The following WSCD1 variants were observed in gnomAD, a reference collection of about 807,000 sequenced individuals.
The protein encoded by WSCD1 is sialate:O-sulfotransferase 1.
In WSCD1, 41 loss-of-function variants were observed where a neutral mutation model predicts 60.4. The observed-to-expected ratio is 0.68, with a 90% CI of 0.53 to 0.88. WSCD1 has a LOEUF of 0.88. WSCD1 is among the 40% of genes least tolerant of loss of function. WSCD1 has a pLI of 0.00. For synonymous variants in WSCD1, 361 were observed against 332.5 expected, an observed-to-expected ratio of 1.09 and a Z score of -0.93; for missense variants, 784 against 796.2, an observed-to-expected ratio of 0.98 and a Z score of 0.18.
chr17:6,096,261 T>C (rs1597361374), intron 5 of WSCD1, among the ~76,000 whole-genome samples: 1 of 152,186 alleles, frequency 6.6e-6, no homozygotes, highest in East Asian at 1.9e-4. Flanking sequence ...GGGGTCAGGG[T>C]TTGAACTCAG....
intron 7 of WSCD1, among the ~76,000 whole-genome samples, chr17:6,117,518 T>A (rs1188619562): frequency 6.6e-6 from 1 of 152,240 alleles, no homozygotes; most frequent in East Asian, 1.9e-4. Flanking sequence ...GAGAGAGCCC[T>A]GGCGCTGTTT....
In WSCD1 at chr17:6,121,411, C is replaced by T. The variant is rs1273825535; in HGVS notation, c.*750C>T. 1 of 152,564 alleles carries T rather than the reference C, an allele frequency of 6.6e-6. No homozygotes were observed. Among genetic ancestry groups the T allele is most frequent in the Non-Finnish European group, 1.5e-5 (1 of 68,348 alleles). The allele number at this position is 152,564 out of a possible 1,614,324, so 9.5% of individuals were successfully genotyped here. A position where few individuals can be genotyped will look rare whatever the true frequency, so the allele number is the denominator to read the frequency against. ...CAGACACTGACCTCAAGACCAGCCA[C>T]ACCAAGTCTGTGCACTGCCCACCAC... On this transcript the variant is annotated 3_prime_UTR_variant, in exon 9 of 9. Coordinates refer to ENST00000317744, the MANE Select transcript of WSCD1 (RefSeq NM_015253.2).
At position 6,075,885 on chromosome 17, in the gene WSCD1, C is replaced by G. The variant is rs557471841; in HGVS notation, c.-288-4486C>G. On this transcript the variant is annotated intron_variant, in intron 1 of 8. Transcript: ENST00000317744. This position sits in a 1 kb window ranked among gnomAD's most constrained non-coding sequence, Gnocchi z 4.1. ...TCTCCAGACTTTCAGAGGGGAGGGG[C>G]CCCAGGCTGCCTCCCAGTCCCAGTG... Among the ~76,000 whole-genome samples the G allele has an allele frequency of 3.3e-5, 5 of 152,206 alleles. No homozygotes were observed. In the East Asian group the frequency reaches 9.7e-4, roughly 29 times the overall value.
intron 1 of WSCD1, among the ~76,000 whole-genome samples, chr17:6,079,210 C>T (rs1000628662): frequency 3.9e-5 from 6 of 152,220 alleles, no homozygotes; most frequent in African/African-American, 9.6e-5. Context: ...CTCTCACACC[C>T]GCTGTCTGTC....
chr17:6,091,391 G>A (rs1338973785), intron 4 of WSCD1, among the ~76,000 whole-genome samples: 1 of 152,188 alleles, frequency 6.6e-6, no homozygotes, highest in Admixed American at 6.5e-5. Context: ...TTAGAGATAG[G>A]CTGTGTGGCC....
Position 6,110,019 on chromosome 17 carries a change from A to G in WSCD1, c.1009+253A>G, listed in dbSNP as rs187852140. ...TATCTAAGTCTCTCTGGAGATGACA[A>G]TGGTAAGAGGATGAACAGAGAGGGG... is the stretch of plus-strand genomic sequence containing the variant. On this transcript the variant is annotated intron_variant, in intron 6 of 8. Coordinates refer to ENST00000317744, the MANE Select transcript of WSCD1 (RefSeq NM_015253.2). This position sits in a 1 kb window ranked among gnomAD's most constrained non-coding sequence, Gnocchi z 4.8. Among the ~76,000 whole-genome samples the G allele has an allele frequency of 4.5e-4, 68 of 152,282 alleles. No homozygotes were observed. Among genetic ancestry groups the G allele is most frequent in the Non-Finnish European group, 7.6e-4 (52 of 68,018 alleles).
At chr17:6,114,264 A>G (rs1911577589) in intron 7 of WSCD1, among the ~76,000 whole-genome samples, 1 of 152,140 alleles carries the variant, frequency 6.6e-6, no homozygotes, top group African/African-American at 2.4e-5. Flanking sequence ...TGAATACCAC[A>G]TGCTCTCATT....
chr17:6,117,829 G>A (rs1375263493), intron 7 of WSCD1, among the ~76,000 whole-genome samples, 159 bp from the exon 8 acceptor site: 3 of 152,198 alleles, frequency 2.0e-5, no homozygotes, highest in South Asian at 4.1e-4. Context: ...TGTGGAGGCC[G>A]TTCCTATCAC....
intron 2 of WSCD1, among the ~76,000 whole-genome samples, chr17:6,083,327 C>A (rs1388706034): frequency 6.6e-6 from 1 of 152,208 alleles, no homozygotes; most frequent in East Asian, 1.9e-4. Flanking sequence ...TGATGAGCCA[C>A]CAAATGACTC....
chr17:6,091,686 T>C (rs1256608556), intron 4 of WSCD1, among the ~76,000 whole-genome samples: 1 of 152,146 alleles, frequency 6.6e-6, no homozygotes, highest in African/African-American at 2.4e-5. Context: ...GAGAGGCAGA[T>C]TGGGAAGGAG....
Position 6,124,223 on chromosome 17 carries a change from G to A in WSCD1, c.*3562G>A, listed in dbSNP as rs1904877549. 1 of 152,170 alleles carries A rather than the reference G, an allele frequency of 6.6e-6. No homozygotes were observed. Among genetic ancestry groups the A allele is most frequent in the Non-Finnish European group, 1.5e-5 (1 of 68,036 alleles). 9.4% of individuals were successfully genotyped at this position (152,170 alleles called of 1,614,324 possible). A position where few individuals can be genotyped will look rare whatever the true frequency, so the allele number is the denominator to read the frequency against. ...ATGTGAAAAAGGTAGTAGTATTCCT[G>A]GGTCTTTATGATGACCACCTTGGGC... is the stretch of plus-strand genomic sequence containing the variant. On this transcript the variant is annotated 3_prime_UTR_variant, in exon 9 of 9. Coordinates refer to ENST00000317744, the MANE Select transcript of WSCD1 (RefSeq NM_015253.2).
In WSCD1 at chr17:6,095,009, C is replaced by T. The variant is rs952227894; in HGVS notation, c.728-93C>T. On this transcript the variant is annotated intron_variant, in intron 4 of 8. Coordinates refer to ENST00000317744, the MANE Select transcript of WSCD1 (RefSeq NM_015253.2). ...ACTCGCCTCGTAAGTTTATTTATAC[C>T]TGTCTCAGGACCTAAAGCCAGCATT... is the stretch of plus-strand genomic sequence containing the variant. The T allele has an allele frequency of 2.6e-6, 4 of 1,521,830 alleles. No homozygotes were observed. In the African/African-American group the frequency reaches 4.2e-5, roughly 16 times the overall value. 94.3% of individuals were successfully genotyped at this position (1,521,830 alleles called of 1,614,324 possible).
intron 5 of WSCD1, among the ~76,000 whole-genome samples, chr17:6,100,931 G>T (rs773927003): frequency 6.6e-6 from 1 of 152,204 alleles, no homozygotes; most frequent in Non-Finnish European, 1.5e-5. Flanking sequence ...GGATGGAGAA[G>T]CAAATTCTCC....
chr17:6,104,021 G>C (rs1262580263), intron 5 of WSCD1, among the ~76,000 whole-genome samples: 1 of 152,190 alleles, frequency 6.6e-6, no homozygotes, highest in Non-Finnish European at 1.5e-5. Flanking sequence ...TTGGCTCATG[G>C]TTCTGCAAGT....
At position 6,104,895 on chromosome 17, in the gene WSCD1, C is replaced by T. The variant is rs146210449; in HGVS notation, c.850-4712C>T. Among the ~76,000 whole-genome samples the T allele has an allele frequency of 2.8e-3, 425 of 152,282 alleles. 5 individuals are homozygous for T. The highest frequency in any genetic ancestry group is 9.7e-3 in the African/African-American group (401 of 41,544). On this transcript the variant is annotated intron_variant, in intron 5 of 8. Coordinates refer to ENST00000317744, the MANE Select transcript of WSCD1 (RefSeq NM_015253.2). ...TCCTGGGCTGTTCACTGCCTACCTCCGAGCCTCAGTTTCCCCTTCTGTGAT... is the reference window on the plus strand; with the variant it reads ...TCCTGGGCTGTTCACTGCCTACCTCTGAGCCTCAGTTTCCCCTTCTGTGAT...
At position 6,096,086 on chromosome 17, in the gene WSCD1, G is replaced by A. The variant is rs369550837; in HGVS notation, c.849+863G>A. Among the ~76,000 whole-genome samples, 25 of 152,308 alleles carry A rather than the reference G, an allele frequency of 1.6e-4. No individual in the cohort carries two copies. The South Asian group carries it at 3.7e-3, about 23-fold the overall frequency. ...CAACAGAAGCTGCCATTCGTTGATCGCTCATTCCATGCCAGGTACTGTTCC... is the reference window on the plus strand; with the variant it reads ...CAACAGAAGCTGCCATTCGTTGATCACTCATTCCATGCCAGGTACTGTTCC... On this transcript the variant is annotated intron_variant, in intron 5 of 8. Coordinates refer to ENST00000317744, the MANE Select transcript of WSCD1 (RefSeq NM_015253.2).
At chr17:6,094,595 G>GGAAGGAAGGAAGGAGAAGGAAGGAAGGA (rs149700473) in intron 4 of WSCD1, among the ~76,000 whole-genome samples, 1 of 147,586 alleles carries the variant, frequency 6.8e-6, no homozygotes, top group African/African-American at 2.5e-5. Context: ...AAGGGAGGAA[G>GGAAGGAAGGAAGGAGAAGGAAGGAAGGA]GAAGGAAGGA....
intron 1 of WSCD1, among the ~76,000 whole-genome samples, chr17:6,074,342 A>G (rs1057193506): frequency 1.3e-5 from 2 of 152,158 alleles, no homozygotes; most frequent in Admixed American, 6.5e-5. Flanking sequence ...GCTTTTTCTC[A>G]GTCTCCAAGA....
At chr17:6,109,373 T>G (rs1287381721) in intron 5 of WSCD1, among the ~76,000 whole-genome samples, 1 of 152,222 alleles carries the variant, frequency 6.6e-6, no homozygotes, top group Non-Finnish European at 1.5e-5. Flanking sequence ...CAAGTAGGGC[T>G]GTGCTTATAA....
Sources: allele counts gnomAD v4.1 joint callset (sites outside exome capture counted in the v4.1 genomes callset), GRCh38; gene constraint gnomAD v4.1.1; non-coding constraint Gnocchi (gnomAD v3.1); transcripts MANE v1.5; gene names NCBI Gene and HGNC (gene_info 2026-07-23, HGNC 2026-07-21).